Variants in RADIL observed in about 807,000 individuals in gnomAD.
RADIL encodes Rap associating with DIL domain, also known as ras-associating and dilute domain-containing protein.
RADIL carries 99 observed loss-of-function variants against 97.6 expected under a neutral mutation model. That is an observed-to-expected ratio of 1.01 (90% CI 0.86 to 1.20). The LOEUF is 1.20. Among genes scored for constraint, RADIL ranks in the 50% most tolerant of loss-of-function variants. The probability of loss-of-function intolerance (pLI) is 0.00; values close to 1 mark genes in which losing one functional copy is unlikely to be tolerated. For synonymous variants in RADIL, 803 were observed against 691.8 expected (o/e 1.16, Z -2.52); for missense variants, 1,765 against 1,498.9 (o/e 1.18, Z -2.93).
rs1306496821 is a variant in RADIL at position 4,819,930 on chromosome 7, C to G, written c.1615+2464G>C. ...ACCAAAGGCAGCAGCTCCAACAGCC[C>G]AGAGCAATTTTTCCCATGAAGAGCA... On this transcript the variant is annotated intron_variant, in intron 6 of 14. Coordinates refer to ENST00000399583, the MANE Select transcript of RADIL (RefSeq NM_018059.5). The surrounding 1 kb of genome is among the most constrained non-coding windows in gnomAD (Gnocchi z 5.8). Among the ~76,000 whole-genome samples, 10 of 152,192 alleles carry G rather than the reference C, an allele frequency of 6.6e-5. No homozygotes were observed. Among genetic ancestry groups the G allele is most frequent in the Admixed American group, 6.5e-4 (10 of 15,280 alleles).
intron 13 of RADIL, 123 bp from the exon 14 acceptor site, chr7:4,799,892 G>C (rs1782021584): frequency 7.4e-7 from 1 of 1,351,626 alleles, no homozygotes; most frequent in East Asian, 2.5e-5. Context: ...GCCCACTCAT[G>C]GTTTCACGCG....
intron 12 of RADIL, 38 bp downstream of exon 12, chr7:4,801,615 T>C: frequency 1.3e-6 from 2 of 1,551,218 alleles, no homozygotes; most frequent in Non-Finnish European, 1.7e-6. Flanking sequence ...GTGCGGGGTC[T>C]GGGGTGGGTT....
intron 9 of RADIL, chr7:4,809,648 T>G (rs568770391): frequency 1.0e-6 from 1 of 968,328 alleles, no homozygotes; most frequent in South Asian, 4.8e-5. Flanking sequence ...AGGAGTATTT[T>G]ACATCTTATT....
At position 4,860,022 on chromosome 7, in the gene RADIL, C is replaced by T. The variant is rs988932444; in HGVS notation, c.535+17583G>A. On this transcript the variant is annotated intron_variant, in intron 2 of 14. Coordinates refer to ENST00000399583, the MANE Select transcript of RADIL (RefSeq NM_018059.5). The stretch of plus-strand genomic sequence containing the variant: ...GGAGAAATGGCAGGCTGAGAGACAG[C>T]GTGAGGAATACTTTCGTTTAATGCA... 5 of 1,613,782 alleles carry T rather than the reference C, an allele frequency of 3.1e-6. No individual in the cohort carries two copies. In the African/African-American group the frequency reaches 4.0e-5, roughly 13 times the overall value.
intron 13 of RADIL, 49 bp from the exon 14 acceptor site, chr7:4,799,818 C>T (rs1434117225): frequency 2.8e-6 from 4 of 1,453,172 alleles, no homozygotes; most frequent in African/African-American, 1.4e-5. Context: ...ACTGGCTGTC[C>T]CCAGCGAGGA....
chr7:4,865,001 C>T (rs1784098065), intron 2 of RADIL, among the ~76,000 whole-genome samples: 1 of 152,250 alleles, frequency 6.6e-6, no homozygotes, highest in African/African-American at 2.4e-5. Context: ...ACTTTCCCCT[C>T]TGCACCAGCT....
chr7:4,856,329 C>T (rs1583311034), intron 2 of RADIL, among the ~76,000 whole-genome samples: 1 of 152,116 alleles, frequency 6.6e-6, no homozygotes, highest in African/African-American at 2.4e-5. Context: ...AGGCTGATCT[C>T]GAACTCCTGG....
rs745940804 is a variant in RADIL at position 4,801,875 on chromosome 7, C to T, written c.2620G>A (p.Ala874Thr). 26 of 1,588,512 alleles carry T rather than the reference C, an allele frequency of 1.6e-5. No homozygotes were observed. Among genetic ancestry groups the T allele is most frequent in the South Asian group, 1.5e-4 (13 of 88,048 alleles). The change falls in exon 12 of 15, where the codon GCT becomes ACT. Residue 874 changes from alanine (A) to threonine (T), a missense_variant. Transcript: ENST00000399583. ...APERTLPLRG[A>T]PWAQAPPGRQ... ...CCAGGGGGGGCCTGTGCCCAGGGAG[C>T]CCCCCTCAAGGGAAGAGTACGCTCC...
rs1784433522 is a variant in RADIL at position 4,879,163 on chromosome 7, A to G, written c.-64-960T>C. Among the ~76,000 whole-genome samples, 1 of 152,208 alleles carries G rather than the reference A, an allele frequency of 6.6e-6. No individual in the cohort carries two copies. The highest frequency in any genetic ancestry group is 2.1e-4 in the South Asian group (1 of 4,830). ...GGAATGCAGGCGTCCCGCCCACCACAGGCCGCGGGTGCCCGGCGCTCCAGG... is the reference window on the plus strand; with the variant it reads ...GGAATGCAGGCGTCCCGCCCACCACGGGCCGCGGGTGCCCGGCGCTCCAGG... On this transcript the variant is annotated intron_variant, in intron 1 of 14. Transcript: ENST00000399583. The surrounding 1 kb of genome is among the most constrained non-coding windows in gnomAD (Gnocchi z 4.1).
intron 2 of RADIL, among the ~76,000 whole-genome samples, chr7:4,868,686 G>A (rs1181301028): frequency 6.6e-6 from 1 of 152,170 alleles, no homozygotes; most frequent in Non-Finnish European, 1.5e-5. Flanking sequence ...CATCACATCA[G>A]TTTTAGATAT....
intron 2 of RADIL, among the ~76,000 whole-genome samples, chr7:4,844,675 C>G (rs769776126): frequency 1.3e-5 from 2 of 152,090 alleles, no homozygotes; most frequent in Non-Finnish European, 2.9e-5. Flanking sequence ...ACGATCACAG[C>G]TCACTGCAGC....
At chr7:4,861,942 G>C (rs372335864) in intron 2 of RADIL, 5 of 500,652 alleles carry the variant, frequency 1.0e-5, no homozygotes, top group Non-Finnish European at 9.9e-6. Context: ...TCCCACTCCC[G>C]CTGCGCGCCC....
intron 10 of RADIL, chr7:4,805,257 T>G (rs1565318): frequency 2.7e-6 from 1 of 367,012 alleles, no homozygotes; most frequent in Non-Finnish European, 5.0e-6. Flanking sequence ...TGGGTAGCCA[T>G]ACAACAGGGG....
At chr7:4,804,742 G>A (rs994382239) in intron 10 of RADIL, among the ~76,000 whole-genome samples, 21 of 151,774 alleles carry the variant, frequency 1.4e-4, no homozygotes, top group African/African-American at 4.1e-4. Flanking sequence ...AGCCAAGATC[G>A]AGCCACTGCA....
intron 2 of RADIL, among the ~76,000 whole-genome samples, chr7:4,869,220 C>T (rs1292543723): frequency 6.6e-6 from 1 of 152,206 alleles, no homozygotes; most frequent in Non-Finnish European, 1.5e-5. Context: ...GCAGCCTTGA[C>T]CTTCTGGGCT....
intron 2 of RADIL, among the ~76,000 whole-genome samples, chr7:4,876,805 A>G (rs4724131): frequency 0.48 from 72,339 of 152,102 alleles, 20,101 homozygotes; most frequent in African/African-American, 0.77. Context: ...GCCTCCCACC[A>G]CCCAGGCACC....
rs190440292 is a variant in RADIL, at chr7:4,805,864, G to A, written c.2140-148C>T. 853 of 1,390,258 alleles carry A rather than the reference G, an allele frequency of 6.1e-4. 11 individuals carry two copies. The African/African-American group carries it at 0.011, about 18-fold the overall frequency. The allele number at this position is 1,390,258 out of a possible 1,614,324, so 86.1% of individuals were successfully genotyped here. A position where few individuals can be genotyped will look rare whatever the true frequency, so the allele number is the denominator to read the frequency against. ...ACCAGGGGCCATCTGTGAGGGGGAC[G>A]GTGTCACAGCAGCAGTTCACCCCTG... On this transcript the variant is annotated intron_variant, in intron 9 of 14. Coordinates refer to ENST00000399583, the MANE Select transcript of RADIL (RefSeq NM_018059.5).
intron 9 of RADIL, chr7:4,808,547 G>A (rs1782420639): frequency 2.1e-6 from 2 of 971,528 alleles, no homozygotes; most frequent in Non-Finnish European, 1.2e-6. Context: ...AAACAAAGAA[G>A]GAGATGGGAC....
chr7:4,855,303 A>T (rs1167823864), intron 2 of RADIL, among the ~76,000 whole-genome samples: 1 of 152,164 alleles, frequency 6.6e-6, no homozygotes, highest in Non-Finnish European at 1.5e-5. Flanking sequence ...TATGGTAGTT[A>T]AATGGCACAC....
Sources: allele counts gnomAD v4.1 joint callset (sites outside exome capture counted in the v4.1 genomes callset), GRCh38; gene constraint gnomAD v4.1.1; non-coding constraint Gnocchi (gnomAD v3.1); transcripts MANE v1.5; gene names NCBI Gene and HGNC (gene_info 2026-07-23, HGNC 2026-07-21).